The following SORCS1 variants were observed in gnomAD, a reference collection of about 807,000 sequenced individuals.
The protein encoded by SORCS1 is sortilin related VPS10 domain containing receptor 1, also known as VPS10 domain-containing receptor SorCS1.
A neutral mutation model predicts 146.1 loss-of-function variants in SORCS1; 60 were observed. The ratio of observed to expected loss-of-function variants is 0.41; its 90% CI spans 0.33 to 0.51. SORCS1 has a LOEUF of 0.51. Among genes scored for constraint, SORCS1 ranks in the 20% least tolerant of loss-of-function variants. The pLI, the probability that SORCS1 is intolerant of heterozygous loss-of-function variation, is 0.21. For synonymous variants in SORCS1, 637 were observed against 584.0 expected (o/e 1.09, Z -1.31); for missense variants, 1,352 against 1,487.6 (o/e 0.91, Z 1.50).
Position 106,931,277 on chromosome 10 carries a change from A to C in SORCS1, c.626+25236T>G, listed in dbSNP as rs545385891. 3.9e-5 allele frequency among the ~76,000 whole-genome samples: 6 copies of C among 152,356 alleles called. No homozygotes were observed. The East Asian group carries it at 1.2e-3, about 29-fold the overall frequency. ...TAATTCAATGTTGATAAGCCTACTTAATGTACACTCCAGTAAACCAGTACA... is the reference window on the plus strand; with the variant it reads ...TAATTCAATGTTGATAAGCCTACTTCATGTACACTCCAGTAAACCAGTACA... On this transcript the variant is annotated intron_variant, in intron 2 of 25. Transcript: ENST00000263054.
chr10:107,045,781 CT>C (rs1313801610), intron 1 of SORCS1, among the ~76,000 whole-genome samples: 2,080 of 130,136 alleles, frequency 0.016, 34 homozygotes, highest in African/African-American at 0.041. Context: ...TATATATCTT[CT>C]TTTTTTTTTT....
At chr10:106,737,469 G>C (rs1379966485) in intron 5 of SORCS1, among the ~76,000 whole-genome samples, 1 of 152,038 alleles carries the variant, frequency 6.6e-6, no homozygotes, top group East Asian at 1.9e-4. Context: ...CAGGCATGGT[G>C]GCTCACACAC....
chr10:107,071,382 G>T (rs964870406), intron 1 of SORCS1, among the ~76,000 whole-genome samples: 23 of 152,098 alleles, frequency 1.5e-4, no homozygotes, highest in African/African-American at 5.6e-4. Context: ...CTTCTCCTTT[G>T]AAAAGTGTCT....
chr10:106,607,365 T>C (rs1363968142), intron 22 of SORCS1, 68 bp from the exon 23 acceptor site: 1 of 1,587,402 alleles, frequency 6.3e-7, no homozygotes, highest in Non-Finnish European at 8.6e-7. Context: ...ACCAAGTATT[T>C]GGTGGGGGGA....
At chr10:106,737,647 C>T (rs1857049898) in intron 5 of SORCS1, among the ~76,000 whole-genome samples, 1 of 152,054 alleles carries the variant, frequency 6.6e-6, no homozygotes, top group South Asian at 2.1e-4. Context: ...ATTGCTTGAA[C>T]TCAGGAGGCA....
At chr10:106,986,446 C>T (rs1344475605) in intron 1 of SORCS1, among the ~76,000 whole-genome samples, 1 of 151,504 alleles carries the variant, frequency 6.6e-6, no homozygotes, top group African/African-American at 2.4e-5. Context: ...TCATTATTTC[C>T]ATAATTTATT....
At chr10:106,596,841 G>A (rs1173117657) in intron 24 of SORCS1, among the ~76,000 whole-genome samples, 1 of 152,164 alleles carries the variant, frequency 6.6e-6, no homozygotes, top group Admixed American at 6.5e-5. Flanking sequence ...GCGGTTTGCT[G>A]ACAGTTTTTG....
At chr10:106,729,920 C>A in intron 6 of SORCS1, 130 bp downstream of exon 6, 2 of 1,142,864 alleles carry the variant, frequency 1.7e-6, no homozygotes, top group South Asian at 1.5e-5. Context: ...CCCTGCAACC[C>A]CAAATCCTCA....
the SORCS1 span, among the ~76,000 whole-genome samples, chr10:107,170,967 A>T: frequency 6.6e-6 from 1 of 152,340 alleles, no homozygotes; most frequent in East Asian, 1.9e-4. Context: ...CTAACTGTAC[A>T]TTATCATTTG....
chr10:106,768,256 C>A (rs1272971107), intron 4 of SORCS1, among the ~76,000 whole-genome samples: 1 of 152,164 alleles, frequency 6.6e-6, no homozygotes, highest in East Asian at 1.9e-4. Context: ...AGATCTGACA[C>A]TGGGAAATTT....
intron 3 of SORCS1, among the ~76,000 whole-genome samples, chr10:106,796,952 CAA>C (rs1473581429): frequency 1.3e-5 from 2 of 152,054 alleles, no homozygotes; most frequent in East Asian, 3.9e-4. Context: ...ACTAAAAACA[CAA>C]AAGTTAGCCG....
chr10:106,990,228 C>T (rs1956710612), intron 1 of SORCS1, among the ~76,000 whole-genome samples: 1 of 152,152 alleles, frequency 6.6e-6, no homozygotes, highest in Admixed American at 6.5e-5. Context: ...TTGCCCTATT[C>T]TAAAAACAAG....
chr10:106,981,928 A>T (rs2139354519), intron 1 of SORCS1, among the ~76,000 whole-genome samples: 1 of 152,350 alleles, frequency 6.6e-6, no homozygotes, highest in Non-Finnish European at 1.5e-5. Context: ...GTGCAAGCAC[A>T]AAACATCCAT....
intron 1 of SORCS1, among the ~76,000 whole-genome samples, chr10:107,137,052 C>T (rs917015455): frequency 1.3e-5 from 2 of 152,206 alleles, no homozygotes; most frequent in Non-Finnish European, 2.9e-5. Context: ...GAATCTGGGG[C>T]TCTGTGGTCG....
chr10:106,755,962 C>G (rs574977883), intron 5 of SORCS1, among the ~76,000 whole-genome samples: 3 of 152,168 alleles, frequency 2.0e-5, no homozygotes, highest in Admixed American at 6.5e-5. Flanking sequence ...AATTCCGTCT[C>G]TACTAAAATA....
At chr10:107,093,089 A>C (rs1047004956) in intron 1 of SORCS1, among the ~76,000 whole-genome samples, 2 of 152,170 alleles carry the variant, frequency 1.3e-5, no homozygotes, top group African/African-American at 4.8e-5. Context: ...GAATTCTTCA[A>C]GATTCCATTG....
chr10:106,874,541 C>A (rs190335027), intron 2 of SORCS1, among the ~76,000 whole-genome samples: 488 of 152,340 alleles, frequency 3.2e-3, no homozygotes, highest in Non-Finnish European at 5.3e-3. Flanking sequence ...TCCAACCAAT[C>A]TGACTGTTGA....
chr10:107,093,498 C>T (rs530670626), intron 1 of SORCS1, among the ~76,000 whole-genome samples: 3 of 152,228 alleles, frequency 2.0e-5, no homozygotes, highest in African/African-American at 7.2e-5. Flanking sequence ...CACAGTGAAA[C>T]CCTGTCTCTA....
intron 1 of SORCS1, among the ~76,000 whole-genome samples, chr10:107,126,609 C>A (rs967711854): frequency 8.5e-5 from 13 of 152,060 alleles, no homozygotes. Context: ...CGTTAGGAAC[C>A]TTTCTCTGCA....
Sources: gnomAD v4.1 joint callset for allele counts (sites outside exome capture counted in the v4.1 genomes callset) on GRCh38, gnomAD v4.1.1 for gene constraint, MANE v1.5 for transcripts, NCBI Gene and HGNC (gene_info 2026-07-23, HGNC 2026-07-21) for gene names.